The following SORCS2 variants were observed in gnomAD, a reference collection of about 807,000 sequenced individuals.
SORCS2 encodes sortilin related VPS10 domain containing receptor 2, also known as VPS10 domain-containing receptor SorCS2.
A neutral mutation model predicts 141.6 loss-of-function variants in SORCS2; 100 were observed. The observed-to-expected ratio is 0.71, with a 90% CI of 0.60 to 0.83. The LOEUF (loss-of-function observed/expected upper bound fraction) is 0.83, where lower values mean the gene tolerates loss of function less well. SORCS2 is among the 40% of genes least tolerant of loss of function. The probability of loss-of-function intolerance (pLI) is 0.00; values close to 1 mark genes in which losing one functional copy is unlikely to be tolerated. For missense variants in SORCS2, 1,646 were observed against 1,560.2 expected (o/e 1.05, Z -0.93); for synonymous variants, 789 against 676.9 (o/e 1.17, Z -2.57).
intron 1 of SORCS2, among the ~76,000 whole-genome samples, chr4:7,373,813 A>T (rs2109051143): frequency 6.6e-6 from 1 of 152,078 alleles, no homozygotes; most frequent in East Asian, 1.9e-4. Context: ...TCTGACTGCA[A>T]ATCCATTGCT....
chr4:7,653,040 C>A (rs79322542), intron 4 of SORCS2, among the ~76,000 whole-genome samples: 3,952 of 152,262 alleles, frequency 0.026, 172 homozygotes, highest in African/African-American at 0.09. Context: ...TGGGCGCCCA[C>A]CCCTGCCCCT....
At chr4:7,706,400 G>C in intron 14 of SORCS2, among the ~76,000 whole-genome samples, 2 of 147,794 alleles carry the variant, frequency 1.4e-5, no homozygotes, top group East Asian at 2.0e-4. Context: ...ATGAGGCTGG[G>C]CTCTGCCTGG....
chr4:7,357,909 A>G (rs1362903282), intron 1 of SORCS2, among the ~76,000 whole-genome samples: 1 of 152,104 alleles, frequency 6.6e-6, no homozygotes, highest in Admixed American at 6.5e-5. Flanking sequence ...ACACGGTTCA[A>G]ATGAAAAGGA....
intron 2 of SORCS2, among the ~76,000 whole-genome samples, chr4:7,398,155 G>T (rs1724338109): frequency 6.6e-6 from 1 of 152,180 alleles, no homozygotes; most frequent in East Asian, 1.9e-4. Flanking sequence ...TGGAGTCCTT[G>T]TGCGGTGGGG....
chr4:7,208,457 C>T (rs1727871555), intron 1 of SORCS2, among the ~76,000 whole-genome samples: 1 of 152,172 alleles, frequency 6.6e-6, no homozygotes, highest in Non-Finnish European at 1.5e-5. Context: ...TCTGCAGACA[C>T]ATTTTCTAAG....
intron 3 of SORCS2, among the ~76,000 whole-genome samples, chr4:7,621,761 G>A (rs181295820): frequency 2.6e-5 from 4 of 152,310 alleles, no homozygotes; most frequent in South Asian, 4.1e-4. Context: ...ACTGTCCACC[G>A]AGCTTCCCTG....
chr4:7,219,294 C>G (rs1167400813), intron 1 of SORCS2, among the ~76,000 whole-genome samples: 1 of 152,006 alleles, frequency 6.6e-6, no homozygotes, highest in South Asian at 2.1e-4. Context: ...GTGTCAATAT[C>G]CCCCAAACCC....
At chr4:7,439,838 G>T (rs1403623898) in intron 2 of SORCS2, among the ~76,000 whole-genome samples, 1 of 152,138 alleles carries the variant, frequency 6.6e-6, no homozygotes, top group African/African-American at 2.4e-5. Flanking sequence ...TTCAAACATG[G>T]CTGCTCCAAA....
intron 1 of SORCS2, among the ~76,000 whole-genome samples, chr4:7,215,011 G>A (rs1398212422): frequency 6.6e-6 from 1 of 152,008 alleles, no homozygotes; most frequent in African/African-American, 2.4e-5. Flanking sequence ...TCCTCTGCCT[G>A]GGCTCCCACT....
intron 11 of SORCS2, among the ~76,000 whole-genome samples, chr4:7,690,999 G>A (rs931350180): frequency 6.6e-6 from 1 of 152,198 alleles, no homozygotes; most frequent in African/African-American, 2.4e-5. Flanking sequence ...TGGCTGGTGT[G>A]TGGGAGAATC....
At chr4:7,310,554 C>A (rs985787519) in intron 1 of SORCS2, 1 of 154,272 alleles carries the variant, frequency 6.5e-6, no homozygotes, top group Non-Finnish European at 1.5e-5. Context: ...TTGTGAACCA[C>A]CATACTAGTT....
intron 1 of SORCS2, among the ~76,000 whole-genome samples, chr4:7,386,078 CAT>C (rs1723277019): frequency 6.7e-6 from 1 of 149,860 alleles, no homozygotes; most frequent in Admixed American, 6.6e-5. Context: ...TGCGCATACA[CAT>C]ACACATATGC....
intron 2 of SORCS2, among the ~76,000 whole-genome samples, chr4:7,438,382 A>G (rs945803975): frequency 6.6e-6 from 1 of 152,218 alleles, no homozygotes; most frequent in Non-Finnish European, 1.5e-5. Flanking sequence ...ATCTTTGATC[A>G]CTTGGAGAAG....
At chr4:7,291,091 A>G (rs1716570878) in intron 1 of SORCS2, among the ~76,000 whole-genome samples, 2 of 152,022 alleles carry the variant, frequency 1.3e-5, no homozygotes, top group South Asian at 2.1e-4. Context: ...AGCAGGGGGG[A>G]CAGCATGTGC....
intron 1 of SORCS2, among the ~76,000 whole-genome samples, chr4:7,320,409 C>A (rs1019406408): frequency 4.6e-5 from 7 of 152,200 alleles, no homozygotes; most frequent in Non-Finnish European, 1.0e-4. Context: ...GTACTGATGT[C>A]TAGAAAGGAT....
chr4:7,340,066 G>T (rs1019178360), intron 1 of SORCS2, among the ~76,000 whole-genome samples: 1 of 152,220 alleles, frequency 6.6e-6, no homozygotes, highest in Admixed American at 6.5e-5. Flanking sequence ...ACTGGCCCAG[G>T]TGCTGGGGCT....
intron 1 of SORCS2, among the ~76,000 whole-genome samples, chr4:7,330,936 G>A (rs1292081590): frequency 4.6e-5 from 7 of 152,158 alleles, no homozygotes; most frequent in East Asian, 3.9e-4. Context: ...AACAAGGCTC[G>A]CTGCCACAGC....
At chr4:7,327,780 A>C (rs1226197557) in intron 1 of SORCS2, among the ~76,000 whole-genome samples, 1 of 152,042 alleles carries the variant, frequency 6.6e-6, no homozygotes, top group South Asian at 2.1e-4. Flanking sequence ...TCCTGAGTGC[A>C]TGAGGGCTTG....
chr4:7,336,962 C>G (rs369911693), intron 1 of SORCS2, among the ~76,000 whole-genome samples: 1 of 152,176 alleles, frequency 6.6e-6, no homozygotes, highest in East Asian at 1.9e-4. Flanking sequence ...AGCCATGACT[C>G]TCCTTTCAGC....
Sources: allele counts gnomAD v4.1 joint callset (sites outside exome capture counted in the v4.1 genomes callset), GRCh38; gene constraint gnomAD v4.1.1; transcripts MANE v1.5; gene names NCBI Gene and HGNC (gene_info 2026-07-23, HGNC 2026-07-21).